The following MTA3 variants were observed in gnomAD, a reference collection of about 807,000 sequenced individuals.
The protein encoded by MTA3 is metastasis associated 1 family member 3, also known as metastasis-associated protein MTA3.
MTA3 carries 34 observed loss-of-function variants against 83.5 expected under a neutral mutation model. The ratio of observed to expected loss-of-function variants is 0.41; its 90% CI spans 0.31 to 0.54. The LOEUF is 0.54. Ranked by LOEUF, MTA3 falls within the 20% of genes least tolerant of loss-of-function variation. The pLI is 0.33. For synonymous variants in MTA3, 303 were observed against 252.7 expected (o/e 1.20, Z -1.89); for missense variants, 761 against 726.4 (o/e 1.05, Z -0.55).
At chr2:42,636,799 G>T (rs536396618) in intron 4 of MTA3, among the ~76,000 whole-genome samples, 1 of 151,714 alleles carries the variant, frequency 6.6e-6, no homozygotes, top group East Asian at 2.0e-4. Context: ...GCTAATTTTT[G>T]TGTTTTTAGT....
chr2:42,709,775 A>G (rs1383403672), intron 14 of MTA3, among the ~76,000 whole-genome samples: 1 of 152,222 alleles, frequency 6.6e-6, no homozygotes, highest in Non-Finnish European at 1.5e-5. Flanking sequence ...CTGTTTGTCC[A>G]GTTTGGTTTC....
intron 16 of MTA3, among the ~76,000 whole-genome samples, chr2:42,735,069 C>T (rs546083079): frequency 1.3e-5 from 2 of 152,294 alleles, no homozygotes; most frequent in South Asian, 4.1e-4. Flanking sequence ...TTTGTACCTT[C>T]AGATCATTTC....
At chr2:42,599,399 C>T (rs1168389577) in intron 3 of MTA3, among the ~76,000 whole-genome samples, 2 of 151,952 alleles carry the variant, frequency 1.3e-5, no homozygotes, top group Non-Finnish European at 2.9e-5. Flanking sequence ...TCGAGACCAT[C>T]CTAGCTAACA....
intron 16 of MTA3, among the ~76,000 whole-genome samples, chr2:42,732,998 C>G (rs1339930318): frequency 1.4e-4 from 22 of 152,158 alleles, no homozygotes. Flanking sequence ...GTAGGAAGTT[C>G]CAAACTTTCC....
chr2:42,544,272 C>G (rs373377793), intron 2 of MTA3, among the ~76,000 whole-genome samples: 10 of 151,878 alleles, frequency 6.6e-5, no homozygotes, highest in Admixed American at 1.3e-4. Flanking sequence ...ACAGTGAAAC[C>G]TCGTCTCTAC....
chr2:42,498,544 G>C (rs1171771808), intron 2 of MTA3, among the ~76,000 whole-genome samples: 1 of 152,140 alleles, frequency 6.6e-6, no homozygotes, highest in Non-Finnish European at 1.5e-5. Context: ...CATACTTACG[G>C]GGGAGGCGCA....
Position 42,637,890 on chromosome 2 carries a change from A to G in MTA3, c.318-2283A>G, listed in dbSNP as rs569475582. On this transcript the variant is annotated intron_variant, in intron 4 of 16. Transcript: ENST00000405094. ...ATGGAAGAGACTTTTAAAGTATGCT[A>G]TATTGTTTGTTTGAATTTTCAGTGT... 2.0e-4 allele frequency among the ~76,000 whole-genome samples: 31 copies of G among 152,196 alleles called. 1 individual carries two copies. The South Asian group carries it at 6.0e-3, about 30-fold the overall frequency.
upstream of MTA3, among the ~76,000 whole-genome samples, chr2:42,563,836 C>A (rs1558437945): frequency 7.0e-6 from 1 of 143,492 alleles, no homozygotes; most frequent in Non-Finnish European, 1.5e-5. Flanking sequence ...TCCTTCCTTT[C>A]TTTTTTGATG....
chr2:42,516,350 A>G (rs2103681560), intron 2 of MTA3, among the ~76,000 whole-genome samples: 1 of 152,340 alleles, frequency 6.6e-6, no homozygotes, highest in South Asian at 2.1e-4. Flanking sequence ...AAATACTGCA[A>G]CGTTTTCCTT....
chr2:42,547,935 C>G (rs1278099127), intron 2 of MTA3, among the ~76,000 whole-genome samples: 1 of 152,070 alleles, frequency 6.6e-6, no homozygotes, highest in Non-Finnish European at 1.5e-5. Context: ...AGCTAGGTTG[C>G]AGTTCGTCCA....
chr2:42,616,434 T>TC (rs894482556), intron 4 of MTA3, among the ~76,000 whole-genome samples: 2 of 151,602 alleles, frequency 1.3e-5, no homozygotes, highest in African/African-American at 4.8e-5. Context: ...TTTTTTTTTT[T>TC]TTAATGTTTA....
intron 2 of MTA3, among the ~76,000 whole-genome samples, chr2:42,516,986 G>A (rs997454920): frequency 6.6e-6 from 1 of 151,986 alleles, no homozygotes; most frequent in African/African-American, 2.4e-5. Flanking sequence ...TTGGCCCGGT[G>A]TGGTGGCTCA....
intron 4 of MTA3, among the ~76,000 whole-genome samples, chr2:42,616,671 C>T (rs886468841): frequency 1.3e-5 from 2 of 149,896 alleles, no homozygotes; most frequent in Non-Finnish European, 3.0e-5. Context: ...CTCGTCCTCC[C>T]TGGCTGAGAT....
intron 12 of MTA3, among the ~76,000 whole-genome samples, chr2:42,706,698 T>C (rs1175895793): frequency 6.6e-6 from 1 of 152,252 alleles, no homozygotes; most frequent in Non-Finnish European, 1.5e-5. Context: ...ACACATGTAT[T>C]TTAAATGTCA....
rs1017675956 is a variant in MTA3 at position 42,754,336 on chromosome 2, G to C, written c.*937G>C. 1.0e-6 allele frequency: 1 copy of C among 985,360 alleles called. No homozygotes were observed. Among genetic ancestry groups the C allele is most frequent in the African/African-American group, 1.7e-5 (1 of 57,218 alleles). 61.0% of individuals were successfully genotyped at this position (985,360 alleles called of 1,614,324 possible). The stretch of plus-strand genomic sequence containing the variant: ...CCTAGAGGTGTGGAGTGAGAGAACT[G>C]TGTTTGTGGGTATGAGTCTGTGTGG... On this transcript the variant is annotated 3_prime_UTR_variant, in exon 17 of 17. Transcript: ENST00000405094.
chr2:42,630,009 C>G (rs1478398402), intron 4 of MTA3, among the ~76,000 whole-genome samples: 3 of 152,050 alleles, frequency 2.0e-5, no homozygotes, highest in Admixed American at 6.6e-5. Context: ...CTCCTGACCT[C>G]AAGTGATCTG....
intron 16 of MTA3, among the ~76,000 whole-genome samples, chr2:42,750,724 C>G (rs1048587251): frequency 6.6e-6 from 1 of 152,194 alleles, no homozygotes; most frequent in Non-Finnish European, 1.5e-5. Flanking sequence ...TGATCTCTCT[C>G]TGTTATAATT....
chr2:42,567,919 A>G (rs760977530), upstream of MTA3: 2 of 152,276 alleles, frequency 1.3e-5, no homozygotes, highest in Non-Finnish European at 2.9e-5. Flanking sequence ...GTGCCCGTCT[A>G]GAGCCAGGGC....
chr2:42,623,190 T>C (rs1685745632), intron 4 of MTA3, among the ~76,000 whole-genome samples: 1 of 152,200 alleles, frequency 6.6e-6, no homozygotes, highest in Admixed American at 6.5e-5. Flanking sequence ...GTTCCAGTAA[T>C]GGCCAACCCT....
Sources: gnomAD v4.1 joint callset for allele counts (sites outside exome capture counted in the v4.1 genomes callset) on GRCh38, gnomAD v4.1.1 for gene constraint, MANE v1.5 for transcripts, NCBI Gene and HGNC (gene_info 2026-07-23, HGNC 2026-07-21) for gene names.